LLGL1: variants seen among roughly 807,000 people sequenced by gnomAD.
The protein encoded by LLGL1 is lethal(2) giant larvae protein homolog 1.
In LLGL1, 58 loss-of-function variants were observed where a neutral mutation model predicts 110.6. The ratio of observed to expected loss-of-function variants is 0.52; its 90% CI spans 0.42 to 0.65. LLGL1 has a LOEUF of 0.65. LLGL1 is among the 30% of genes least tolerant of loss of function. LLGL1 has a pLI of 0.00. For synonymous variants in LLGL1, 674 were observed against 607.2 expected, an observed-to-expected ratio of 1.11 and a Z score of -1.62; for missense variants, 1,229 against 1,462.1, an observed-to-expected ratio of 0.84 and a Z score of 2.60.
intron 20 of LLGL1, 50 bp downstream of exon 20, chr17:18,242,328 G>C (rs1316137951): frequency 4.4e-6 from 7 of 1,577,004 alleles, no homozygotes; most frequent in Non-Finnish European, 5.2e-6. Context: ...GGTGCCCTGG[G>C]GGAGGGAGTC....
At position 18,242,577 on chromosome 17, in the gene LLGL1, C is replaced by T. The variant is rs139770091; in HGVS notation, c.3065C>T (p.Thr1022Met). The T allele has an allele frequency of 1.5e-5, 24 of 1,614,140 alleles. No homozygotes were observed. Among genetic ancestry groups the T allele is most frequent in the East Asian group, 4.5e-5 (2 of 44,888 alleles). Residue 1022 changes from threonine (T) to methionine (M), a missense_variant, in exon 21 of 23, where the codon ACG (threonine) becomes ATG (methionine). By Grantham distance (81) the Thr-to-Met change is moderately conservative. Transcript: ENST00000316843. ...SIDSATSADT[T>M]LDTTGDVTVE... is the part of the protein sequence containing the mutation. ...GACTCAGCCACCAGTGCTGACACCA[C>T]GCTGGACACGACAGGGGACGTCACA...
At chr17:18,231,153 AAGG>A (rs1236323867) in intron 2 of LLGL1, among the ~76,000 whole-genome samples, 1 of 152,186 alleles carries the variant, frequency 6.6e-6, no homozygotes, top group African/African-American at 2.4e-5. Flanking sequence ...GAGCCTCAGA[AAGG>A]AGGCTGGAGC....
At chr17:18,230,531 G>A (rs1486650652) in intron 2 of LLGL1, among the ~76,000 whole-genome samples, 1 of 147,088 alleles carries the variant, frequency 6.8e-6, no homozygotes, top group Non-Finnish European at 1.5e-5. Context: ...ACTGGCTGCT[G>A]CACAATGGGC....
At position 18,233,783 on chromosome 17, in the gene LLGL1, C is replaced by T. The variant is rs149627877; in HGVS notation, c.398C>T (p.Pro133Leu). 227 of 1,612,936 alleles carry T rather than the reference C, an allele frequency of 1.4e-4. No homozygotes were observed. The highest frequency in any genetic ancestry group is 3.3e-4 in the Middle Eastern group (2 of 6,054). The change falls in exon 5 of 23, where the codon CCG (proline) becomes CTG (leucine). Residue 133 changes from proline (P) to leucine (L), a missense_variant. Physicochemically the swap from Pro to Leu is moderately conservative, Grantham distance 98. Coordinates refer to ENST00000316843, the MANE Select transcript of LLGL1 (RefSeq NM_004140.4). ...CTTCCCCTTGTTCCCTGCAGTGCTCCGCTCAGCCTTACCCGAGTCACAGTG... is the reference window on the plus strand; with the variant it reads ...CTTCCCCTTGTTCCCTGCAGTGCTCTGCTCAGCCTTACCCGAGTCACAGTG... ...SRPGFDGASA[P>L]LSLTRVTVVL...
chr17:18,237,453 T>C (rs763721878), intron 13 of LLGL1, 28 bp from the exon 14 acceptor site: 3 of 1,543,070 alleles, frequency 1.9e-6, no homozygotes, highest in Non-Finnish European at 8.8e-7. Context: ...CCTGCGCTGA[T>C]GCTCCCCCTG....
At chr17:18,237,212 TGGGAGATAG>T in intron 13 of LLGL1, 1 of 594,714 alleles carries the variant, frequency 1.7e-6, no homozygotes, top group South Asian at 2.0e-5. Flanking sequence ...TATTGCTAAA[TGGGAGATAG>T]AGGCTCAGGG....
intron 1 of LLGL1, among the ~76,000 whole-genome samples, chr17:18,226,456 C>T (rs72831921): frequency 1.3e-5 from 2 of 152,282 alleles, no homozygotes; most frequent in Non-Finnish European, 2.9e-5. Flanking sequence ...CTGGGAAATC[C>T]CTTCAAGGAG....
chr17:18,241,839 TTGG>T, intron 18 of LLGL1, 43 bp from the exon 19 acceptor site: 1 of 1,602,926 alleles, frequency 6.2e-7, no homozygotes, highest in South Asian at 1.1e-5. Flanking sequence ...GGAGCTGTGG[TTGG>T]TGGTATCTTC....
chr17:18,242,923 G>T (rs958172863), intron 22 of LLGL1, 101 bp downstream of exon 22: 6 of 1,141,220 alleles, frequency 5.3e-6, no homozygotes, highest in Non-Finnish European at 6.1e-6. Context: ...TGAGACCCTG[G>T]CAGGCCCATG....
intron 1 of LLGL1, among the ~76,000 whole-genome samples, chr17:18,228,828 T>G (rs1466687510): frequency 1.3e-5 from 2 of 152,028 alleles, no homozygotes; most frequent in Non-Finnish European, 2.9e-5. Context: ...GATGAGAGAC[T>G]GAAGCTTGGA....
At position 18,225,641 on chromosome 17, in the gene LLGL1, C is replaced by G; in HGVS notation, c.-42C>G. ...CCGCGGGGCCGCGCGGCGCATCCTGCGGGCGGCGGCGGCGGGCGAGGCGCC... is the reference window on the plus strand; with the variant it reads ...CCGCGGGGCCGCGCGGCGCATCCTGGGGGCGGCGGCGGCGGGCGAGGCGCC... On this transcript the variant is annotated 5_prime_UTR_variant, in exon 1 of 23. Coordinates refer to ENST00000316843, the MANE Select transcript of LLGL1 (RefSeq NM_004140.4). 4 of 939,278 alleles carry G rather than the reference C, an allele frequency of 4.3e-6. No homozygotes were observed. The highest frequency in any genetic ancestry group is 5.1e-6 in the Non-Finnish European group (4 of 789,684). 58.2% of individuals were successfully genotyped at this position (939,278 alleles called of 1,614,324 possible).
Position 18,244,736 on chromosome 17 carries a change from A to AGGGGGG in LLGL1, c.*835_*840dup, listed in dbSNP as rs1567700333. ...TGTGTGTCCGGCGGGGGGGGGGGGC[A>AGGGGGG]GGGGGGGGGGTCAAGATGAGTTTCC... On this transcript the variant is annotated 3_prime_UTR_variant, in exon 23 of 23. Coordinates refer to ENST00000316843, the MANE Select transcript of LLGL1 (RefSeq NM_004140.4). 0.018 allele frequency: 180 copies of AGGGGGG among 10,196 alleles called. 32 individuals carry two copies. Among genetic ancestry groups the AGGGGGG allele is most frequent in the Middle Eastern group, 0.071 (2 of 28 alleles). The allele number at this position is 10,196 out of a possible 1,614,324, so 0.6% of individuals were successfully genotyped here.
At position 18,238,579 on chromosome 17, in the gene LLGL1, C is replaced by T. The variant is rs72831933; in HGVS notation, c.2176C>T (p.Leu726=). ...DDSLSGVVRC[L]YFADTFLRDG... is the part of the protein sequence containing the mutation. ...CTCCTTGTCGGGTGTCGTGCGTTGC[C>T]TATACTTTGCCGACACATTCCTTCG... Residue 726 remains leucine (L), a synonymous_variant, in exon 16 of 23, where the codon CTA becomes TTA. Transcript: ENST00000316843. 7,608 of 1,612,718 alleles carry T rather than the reference C, an allele frequency of 4.7e-3. 29 individuals are homozygous for T. Among genetic ancestry groups the T allele is most frequent in the Non-Finnish European group, 5.2e-3 (6,166 of 1,179,896 alleles).
chr17:18,236,521 T>G, intron 11 of LLGL1, 86 bp from the exon 12 acceptor site: 1 of 1,347,848 alleles, frequency 7.4e-7, no homozygotes, highest in Admixed American at 2.0e-5. Context: ...AGTAGGTGCT[T>G]AGTGAGTGGT....
intron 17 of LLGL1, 159 bp downstream of exon 17, chr17:18,241,032 A>G: frequency 2.5e-6 from 2 of 797,114 alleles, no homozygotes; most frequent in Non-Finnish European, 3.8e-6. Context: ...GCCAGCAGAG[A>G]ACTCCTACCC....
In LLGL1 at chr17:18,234,168, G is replaced by C. The variant is rs138737182; in HGVS notation, c.707G>C (p.Gly236Ala). 6.2e-7 allele frequency: 1 copy of C among 1,601,342 alleles called. No homozygotes were observed. The highest frequency in any genetic ancestry group is 8.5e-7 in the Non-Finnish European group (1 of 1,171,524). Residue 236 changes from glycine (G) to alanine (A), a missense_variant, in exon 6 of 23, where the codon GGG becomes GCG. Physicochemically the swap from Gly to Ala is moderately conservative, Grantham distance 60 (BLOSUM62 0). Transcript: ENST00000316843. The stretch of plus-strand genomic sequence containing the variant: ...CAGTGTGTGGACCACATCTTCCTGG[G>C]GAACCAGGTATGTAGGTGAGGCCTG... ...ASQCVDHIFL[G>A]NQQLESLCWG...
Position 18,232,661 on chromosome 17 carries a change from T to C in LLGL1, c.262-11T>C, listed in dbSNP as rs1340612967. On this transcript the variant is annotated splice_polypyrimidine_tract_variant and intron_variant, in intron 3 of 22. Transcript: ENST00000316843. ...AGGCCAGCCTAGTTTTCATCTCTGC[T>C]CACACACCAGGGCCGCCTCCTGTCC... 11 of 1,614,036 alleles carry C rather than the reference T, an allele frequency of 6.8e-6. No homozygotes were observed. The highest frequency in any genetic ancestry group is 9.3e-6 in the Non-Finnish European group (11 of 1,180,016).
At chr17:18,230,168 T>TG in intron 2 of LLGL1, 130 bp downstream of exon 2, 1 of 642,206 alleles carries the variant, frequency 1.6e-6, no homozygotes, top group Non-Finnish European at 2.6e-6. Context: ...TGGGCAGTAG[T>TG]GGGGGCTTCT....
In LLGL1 at chr17:18,232,655, C is replaced by T; in HGVS notation, c.262-17C>T. ...CCCCCTAGGCCAGCCTAGTTTTCATCTCTGCTCACACACCAGGGCCGCCTC... is the reference window on the plus strand; with the variant it reads ...CCCCCTAGGCCAGCCTAGTTTTCATTTCTGCTCACACACCAGGGCCGCCTC... On this transcript the variant is annotated splice_polypyrimidine_tract_variant and intron_variant, in intron 3 of 22. Transcript: ENST00000316843. The T allele has an allele frequency of 1.2e-6, 2 of 1,614,168 alleles. No individual in the cohort carries two copies. Among genetic ancestry groups the T allele is most frequent in the South Asian group, 2.2e-5 (2 of 91,086 alleles).
Sources: allele counts gnomAD v4.1 joint callset (sites outside exome capture counted in the v4.1 genomes callset), GRCh38; gene constraint gnomAD v4.1.1; transcripts MANE v1.5; gene names NCBI Gene and HGNC (gene_info 2026-07-23, HGNC 2026-07-21).